The following TANC2 variants were observed in gnomAD, a reference collection of about 807,000 sequenced individuals.
TANC2 encodes the protein protein TANC2.
Under a neutral mutation model 210.5 loss-of-function variants are expected in TANC2, and 26 were observed. That is an observed-to-expected ratio of 0.12 (90% confidence interval 0.09 to 0.17). The LOEUF is 0.17. TANC2 is among the 10% of genes least tolerant of loss of function. The pLI is 1.00. For synonymous variants in TANC2, 931 were observed against 967.1 expected (o/e 0.96, Z 0.69); for missense variants, 2,129 against 2,608.9 (o/e 0.82, Z 4.01).
At chr17:63,224,463 G>A (rs915465227) in intron 7 of TANC2, among the ~76,000 whole-genome samples, 2 of 152,040 alleles carry the variant, frequency 1.3e-5, no homozygotes, top group South Asian at 4.1e-4. Context: ...TGTTGGCCAC[G>A]GTGGTCTCAA....
chr17:63,138,417 A>T (rs958996237), intron 4 of TANC2, among the ~76,000 whole-genome samples: 1 of 152,224 alleles, frequency 6.6e-6, no homozygotes, highest in African/African-American at 2.4e-5. Context: ...ATAGGCTGAA[A>T]TTGAGCTTGA....
At chr17:63,296,296 C>G (rs546426564) in intron 9 of TANC2, among the ~76,000 whole-genome samples, 1 of 152,148 alleles carries the variant, frequency 6.6e-6, no homozygotes, top group South Asian at 2.1e-4. Context: ...TGTCAGATCA[C>G]TGGCTGACCA....
intron 1 of TANC2, among the ~76,000 whole-genome samples, chr17:63,001,892 A>G (rs1172061976): frequency 6.6e-6 from 1 of 151,844 alleles, no homozygotes; most frequent in Non-Finnish European, 1.5e-5. Context: ...ACAATGGTAT[A>G]CAAACAAAAA....
In TANC2 at chr17:63,001,648, G is replaced by A. The variant is rs369679501; in HGVS notation, c.-23-7889G>A. ...CACCCTTTGCCATCCGGGTTCAAGC[G>A]ATTCTCCTGCTTCAGACTCCCAAGT... is the stretch of plus-strand genomic sequence containing the variant. On this transcript the variant is annotated intron_variant, in intron 1 of 27. Coordinates refer to ENST00000689528, the Ensembl canonical transcript of TANC2. Among the ~76,000 whole-genome samples, 10 of 150,774 alleles carry A rather than the reference G, an allele frequency of 6.6e-5. No homozygotes were observed. The South Asian group carries it at 1.9e-3, about 28-fold the overall frequency.
chr17:63,073,143 A>G (rs1187893408), intron 2 of TANC2, among the ~76,000 whole-genome samples: 1 of 152,082 alleles, frequency 6.6e-6, no homozygotes. Context: ...TTATAGGTGT[A>G]TAGACCACTA....
At chr17:63,219,907 G>T (rs1198233257) in intron 7 of TANC2, among the ~76,000 whole-genome samples, 1 of 152,118 alleles carries the variant, frequency 6.6e-6, no homozygotes, top group Non-Finnish European at 1.5e-5. Context: ...AAAGTTGGAG[G>T]ATTTATACTA....
At chr17:63,265,401 C>T (rs575538317) in intron 8 of TANC2, among the ~76,000 whole-genome samples, 1 of 152,242 alleles carries the variant, frequency 6.6e-6, no homozygotes, top group East Asian at 1.9e-4. Flanking sequence ...CTCCCTGGGC[C>T]AATGGTATGG....
chr17:63,167,753 C>T (rs1258496058), intron 5 of TANC2, among the ~76,000 whole-genome samples: 1 of 151,724 alleles, frequency 6.6e-6, no homozygotes, highest in African/African-American at 2.4e-5. Context: ...GGCACAGTGG[C>T]TCACCCCTGT....
chr17:63,257,538 T>G (rs1007007273), intron 8 of TANC2, among the ~76,000 whole-genome samples: 1 of 152,040 alleles, frequency 6.6e-6, no homozygotes, highest in African/African-American at 2.4e-5. Context: ...TTTGTAGTGT[T>G]TTGTAGAGAT....
intron 15 of TANC2, among the ~76,000 whole-genome samples, chr17:63,386,628 C>T (rs1378502140): frequency 6.6e-6 from 1 of 151,934 alleles, no homozygotes; most frequent in East Asian, 1.9e-4. Context: ...GTAAATTTTA[C>T]GTTGTTTATA....
chr17:63,420,685 C>G lies in TANC2; in HGVS notation c.4955C>G (p.Thr1652Arg). ...TCACCCGTGCGCTATCAGCAGGAAA[C>G]AAGCGTCAGTCAGCTTCCTGGCAGA... Residue 1652 changes from threonine (T) to arginine (R), a missense_variant, in exon 28 of 28, where the codon ACA becomes AGA. By Grantham distance (71) the Thr-to-Arg change is moderately conservative. Coordinates refer to ENST00000689528, the Ensembl canonical transcript of TANC2. This position sits in a 1 kb window ranked among gnomAD's most constrained non-coding sequence, Gnocchi z 4.2. The G allele has an allele frequency of 1.2e-6, 2 of 1,613,742 alleles. No individual in the cohort carries two copies. The highest frequency in any genetic ancestry group is 1.7e-6 in the Non-Finnish European group (2 of 1,179,744).
intron 21 of TANC2, among the ~76,000 whole-genome samples, chr17:63,409,244 T>C (rs1249626784): frequency 1.3e-5 from 2 of 152,142 alleles, no homozygotes; most frequent in African/African-American, 4.8e-5. Flanking sequence ...TGATCATAGC[T>C]CACCAAAGCC....
At chr17:63,316,623 G>A (rs2045322042) in intron 10 of TANC2, among the ~76,000 whole-genome samples, 1 of 152,202 alleles carries the variant, frequency 6.6e-6, no homozygotes, top group Non-Finnish European at 1.5e-5. Context: ...TGGTCTGACA[G>A]TTAACTTTCC....
At chr17:63,361,748 C>T (rs2046964333) in intron 14 of TANC2, among the ~76,000 whole-genome samples, 1 of 152,232 alleles carries the variant, frequency 6.6e-6, no homozygotes, top group South Asian at 2.1e-4. Flanking sequence ...TCAGCAGGTC[C>T]TGAGGTCTTG....
chr17:63,053,433 C>A (rs2035654556), intron 2 of TANC2, among the ~76,000 whole-genome samples: 1 of 152,188 alleles, frequency 6.6e-6, no homozygotes, highest in African/African-American at 2.4e-5. Flanking sequence ...CCATAAAACC[C>A]CTTCTTTGTT....
chr17:63,349,781 A>G (rs780216282), intron 12 of TANC2, among the ~76,000 whole-genome samples: 5 of 152,180 alleles, frequency 3.3e-5, no homozygotes, highest in Admixed American at 6.5e-5. Flanking sequence ...AGAGCCTTCA[A>G]AATCAAGAAC....
At chr17:63,013,231 C>T (rs1259932153) in intron 2 of TANC2, among the ~76,000 whole-genome samples, 1 of 151,952 alleles carries the variant, frequency 6.6e-6, no homozygotes, top group Non-Finnish European at 1.5e-5. Flanking sequence ...TGCTACTCTT[C>T]CTGGTTACTT....
At chr17:63,404,058 G>A (rs192584787) in intron 19 of TANC2, among the ~76,000 whole-genome samples, 4 of 152,250 alleles carry the variant, frequency 2.6e-5, no homozygotes, top group South Asian at 2.1e-4. Flanking sequence ...ACTGGAGTAG[G>A]AGGCCATAAT....
intron 2 of TANC2, among the ~76,000 whole-genome samples, chr17:63,016,290 A>T (rs1308368242): frequency 6.6e-6 from 1 of 152,206 alleles, no homozygotes; most frequent in Non-Finnish European, 1.5e-5. Context: ...TAAAAACATC[A>T]TTAAGGCTGG....
Sources: allele counts gnomAD v4.1 joint callset (sites outside exome capture counted in the v4.1 genomes callset), GRCh38; gene constraint gnomAD v4.1.1; non-coding constraint Gnocchi (gnomAD v3.1); transcripts MANE v1.5; gene names NCBI Gene and HGNC (gene_info 2026-07-23, HGNC 2026-07-21).